The following MSH3 variants were observed in gnomAD, a reference collection of about 807,000 sequenced individuals.
The protein encoded by MSH3 is mutS homolog 3.
A neutral mutation model predicts 123.3 loss-of-function variants in MSH3; 106 were observed. The ratio of observed to expected loss-of-function variants is 0.86; its 90% confidence interval spans 0.73 to 1.01. MSH3 has a LOEUF of 1.01. MSH3 is among the 50% of genes least tolerant of loss of function. The probability of loss-of-function intolerance (pLI) is 0.00; values close to 1 mark genes in which losing one functional copy is unlikely to be tolerated. For missense variants in MSH3, 1,459 were observed against 1,347.6 expected (o/e 1.08, Z -1.29); for synonymous variants, 515 against 481.4 (o/e 1.07, Z -0.91).
chr5:80,850,452 A>C (rs1306294425), intron 20 of MSH3, among the ~76,000 whole-genome samples: 1 of 152,228 alleles, frequency 6.6e-6, no homozygotes, highest in Admixed American at 6.5e-5. Flanking sequence ...CAAAAGAAAG[A>C]GGTTTACTGG....
intron 6 of MSH3, among the ~76,000 whole-genome samples, chr5:80,674,336 A>G (rs1375532196): frequency 6.6e-6 from 1 of 152,184 alleles, no homozygotes; most frequent in Non-Finnish European, 1.5e-5. Context: ...ATGCACATAT[A>G]ATGTATATAT....
chr5:80,698,276 A>G (rs530498425), intron 8 of MSH3, among the ~76,000 whole-genome samples: 22 of 152,302 alleles, frequency 1.4e-4, no homozygotes, highest in Non-Finnish European at 2.8e-4. Flanking sequence ...GAACATTATT[A>G]TACAGTCATT....
chr5:80,672,661 T>A, intron 5 of MSH3, 80 bp from the exon 6 acceptor site: 1 of 1,112,898 alleles, frequency 9.0e-7, no homozygotes, highest in Non-Finnish European at 1.4e-6. Context: ...ATTTCAGAAT[T>A]GACGTTTAAA....
At chr5:80,695,189 A>T in intron 8 of MSH3, among the ~76,000 whole-genome samples, 1 of 131,206 alleles carries the variant, frequency 7.6e-6, no homozygotes, top group Non-Finnish European at 1.6e-5. Context: ...TTTTATTTTT[A>T]TTGCAGTCTG....
At chr5:80,827,969 A>G (rs1745349786) in intron 20 of MSH3, among the ~76,000 whole-genome samples, 3 of 152,112 alleles carry the variant, frequency 2.0e-5, no homozygotes, top group African/African-American at 4.8e-5. Flanking sequence ...GTGTCCATCT[A>G]CACTTACCAC....
chr5:80,863,168 CA>C (rs1746042018), intron 21 of MSH3, among the ~76,000 whole-genome samples: 1 of 152,186 alleles, frequency 6.6e-6, no homozygotes, highest in African/African-American at 2.4e-5. Flanking sequence ...CCATCACCTA[CA>C]TATACATGGA....
rs191558118 is a variant in MSH3 at position 80,846,618 on chromosome 5, A to G, written c.2814-7512A>G. 4.2e-4 allele frequency among the ~76,000 whole-genome samples: 64 copies of G among 152,224 alleles called. No individual in the cohort carries two copies. In the Middle Eastern group the frequency reaches 0.01, roughly 24 times the overall value. ...ACTGTGAGCTACTCAAGCCTCAGCAATGGCAGATGCCCCTCCCCCTGTCAA... is the reference window on the plus strand; with the variant it reads ...ACTGTGAGCTACTCAAGCCTCAGCAGTGGCAGATGCCCCTCCCCCTGTCAA... On this transcript the variant is annotated intron_variant, in intron 20 of 23. Transcript: ENST00000265081.
intron 2 of MSH3, among the ~76,000 whole-genome samples, chr5:80,663,052 T>C (rs1749476202): frequency 6.6e-6 from 1 of 151,860 alleles, no homozygotes; most frequent in Non-Finnish European, 1.5e-5. Context: ...CTAGGCAACA[T>C]AGGGAGACCC....
intron 18 of MSH3, 65 bp from the exon 19 acceptor site, chr5:80,792,668 C>T (rs1439699999): frequency 1.0e-6 from 1 of 983,726 alleles, no homozygotes; most frequent in African/African-American, 1.6e-5. Flanking sequence ...TTCATGCTAT[C>T]TTAGAGTTTT....
chr5:80,849,149 C>T (rs538459003), intron 20 of MSH3, among the ~76,000 whole-genome samples: 2 of 152,172 alleles, frequency 1.3e-5, no homozygotes, highest in Non-Finnish European at 2.9e-5. Flanking sequence ...TCTTTTGACT[C>T]CATGCCTCAC....
chr5:80,764,682 G>C (rs923575191), intron 13 of MSH3, among the ~76,000 whole-genome samples: 1 of 152,038 alleles, frequency 6.6e-6, no homozygotes, highest in African/African-American at 2.4e-5. Context: ...CATTTCTTTT[G>C]ATGGCAAAAT....
At position 80,768,835 on chromosome 5, in the gene MSH3, A is replaced by G. The variant is rs777245977; in HGVS notation, c.2085A>G (p.Lys695=). ...YLKILNEQAA[K]VGDKTELFKD... is the part of the protein sequence containing the mutation. ...GTATTTGCATGTTTTGATTTTTTAG[A>G]GTTGGGGATAAAACTGAATTATTTA... The change falls in exon 15 of 24, where the codon AAA becomes AAG. Residue 695 remains lysine (K), a splice_region_variant and synonymous_variant. Transcript: ENST00000265081. 1.3e-5 allele frequency: 21 copies of G among 1,601,308 alleles called. No homozygotes were observed. The highest frequency in any genetic ancestry group is 3.4e-4 in the Middle Eastern group (2 of 5,914).
chr5:80,790,583 TGA>T (rs956385641), intron 18 of MSH3, among the ~76,000 whole-genome samples: 8 of 152,148 alleles, frequency 5.3e-5, no homozygotes, highest in African/African-American at 1.9e-4. Context: ...GAAAAGAAAA[TGA>T]GAGAATGATG....
At chr5:80,815,022 G>C (rs910987765) in intron 20 of MSH3, among the ~76,000 whole-genome samples, 9 of 152,156 alleles carry the variant, frequency 5.9e-5, no homozygotes, top group South Asian at 2.1e-4. Flanking sequence ...TTTGTGTATA[G>C]AGTGTCTTGA....
chr5:80,689,715 CT>C (rs541235621), intron 8 of MSH3, among the ~76,000 whole-genome samples: 1,622 of 131,386 alleles, frequency 0.012, 5 homozygotes, highest in Admixed American at 0.017. Context: ...AGACCGAGTT[CT>C]TTTTTTTTTT....
At chr5:80,770,270 A>ATTTTTTTTTTTTTTTTTTTTTTTT (rs62892161) in intron 15 of MSH3, among the ~76,000 whole-genome samples, 1 of 144,100 alleles carries the variant, frequency 6.9e-6, no homozygotes, top group Non-Finnish European at 1.5e-5. Flanking sequence ...TTTCTACTAC[A>ATTTTTTTTTTTTTTTTTTTTTTTT]TTTTTTTTTT....
intron 21 of MSH3, among the ~76,000 whole-genome samples, chr5:80,856,835 A>G (rs553983906): frequency 3.0e-4 from 45 of 152,306 alleles, no homozygotes; most frequent in Non-Finnish European, 3.8e-4. Flanking sequence ...AATTTCCTAC[A>G]TAGGCAGTCA....
At chr5:80,712,420 T>G (rs1422929560) in intron 8 of MSH3, among the ~76,000 whole-genome samples, 1 of 152,192 alleles carries the variant, frequency 6.6e-6, no homozygotes, top group Non-Finnish European at 1.5e-5. Flanking sequence ...TTAATGGTTT[T>G]TATTCGAATT....
At chr5:80,796,558 T>A (rs901741810) in intron 19 of MSH3, among the ~76,000 whole-genome samples, 4 of 152,176 alleles carry the variant, frequency 2.6e-5, no homozygotes, top group African/African-American at 7.2e-5. Context: ...ATTTTATGGA[T>A]GTTAATTATA....
Sources: allele counts gnomAD v4.1 joint callset (sites outside exome capture counted in the v4.1 genomes callset), GRCh38; gene constraint gnomAD v4.1.1; transcripts MANE v1.5; gene names NCBI Gene and HGNC (gene_info 2026-07-23, HGNC 2026-07-21).